GSE1: variants seen among roughly 807,000 people sequenced by gnomAD.
The protein encoded by GSE1 is genetic suppressor element 1.
GSE1 carries 32 observed loss-of-function variants against 112.6 expected under a neutral mutation model. The ratio of observed to expected loss-of-function variants is 0.28; its 90% CI spans 0.21 to 0.38. The LOEUF is 0.38. Among genes scored for constraint, GSE1 ranks in the 10% least tolerant of loss-of-function variants. The probability of loss-of-function intolerance (pLI) is 1.00; values close to 1 mark genes in which losing one functional copy is unlikely to be tolerated. For synonymous variants in GSE1, 1,115 were observed against 735.6 expected (o/e 1.52, Z -8.35); for missense variants, 2,348 against 1,699.2 (o/e 1.38, Z -6.71).
chr16:85,641,038 A>G (rs565721345), intron 2 of GSE1, among the ~76,000 whole-genome samples: 28 of 152,302 alleles, frequency 1.8e-4, no homozygotes, highest in African/African-American at 6.7e-4. Flanking sequence ...GGAGCCCAGT[A>G]CTTGGCGTGT....
upstream of GSE1, among the ~76,000 whole-genome samples, chr16:85,607,607 C>T (rs1382176420): frequency 1.3e-5 from 2 of 152,162 alleles, no homozygotes; most frequent in African/African-American, 4.8e-5. Context: ...TTTCCTGTTC[C>T]CCTAGAGGTG....
intron 1 of GSE1, among the ~76,000 whole-genome samples, chr16:85,260,828 G>A (rs755574937): frequency 6.6e-6 from 1 of 152,250 alleles, no homozygotes; most frequent in Non-Finnish European, 1.5e-5. Flanking sequence ...GACATCTGCA[G>A]TGATGAGCGC....
At chr16:85,608,877 A>G (rs1384159328), upstream of GSE1, among the ~76,000 whole-genome samples, 1 of 152,230 alleles carries the variant, frequency 6.6e-6, no homozygotes, top group Non-Finnish European at 1.5e-5. Context: ...CCCAGGCAAC[A>G]TAATGAAGGT....
chr16:85,220,630 C>T (rs2075374335), intron 1 of GSE1, among the ~76,000 whole-genome samples: 1 of 152,146 alleles, frequency 6.6e-6, no homozygotes. Context: ...CCCGCTGCTG[C>T]CCGCTGCTGC....
chr16:85,461,615 A>T (rs183150549), intron 2 of GSE1, among the ~76,000 whole-genome samples: 1 of 152,172 alleles, frequency 6.6e-6, no homozygotes, highest in Non-Finnish European at 1.5e-5. Flanking sequence ...TTGACTTGTC[A>T]TAAGAATCGC....
intron 1 of GSE1, among the ~76,000 whole-genome samples, chr16:85,259,066 G>A (rs1458368100): frequency 1.3e-5 from 2 of 152,166 alleles, no homozygotes; most frequent in Non-Finnish European, 2.9e-5. Context: ...GAGAGAGGAG[G>A]GGGCCTTGAC....
chr16:85,310,763 G>T (rs2045817450), intron 1 of GSE1, among the ~76,000 whole-genome samples: 1 of 151,546 alleles, frequency 6.6e-6, no homozygotes, highest in African/African-American at 2.4e-5. Flanking sequence ...GGTGCTCGGA[G>T]CAACCTCTGG....
intron 1 of GSE1, among the ~76,000 whole-genome samples, chr16:85,621,578 G>C (rs1434559725): frequency 3.3e-5 from 5 of 152,178 alleles, no homozygotes; most frequent in African/African-American, 1.2e-4. Flanking sequence ...CCTGTCACCT[G>C]GGCACAGGGA....
intron 2 of GSE1, among the ~76,000 whole-genome samples, chr16:85,383,038 ACAC>A (rs1462112327): frequency 6.6e-6 from 1 of 151,252 alleles, no homozygotes; most frequent in Non-Finnish European, 1.5e-5. Flanking sequence ...ATGCACACAC[ACAC>A]CGTGTACATG....
chr16:85,251,146 C>G (rs1906430745), intron 1 of GSE1, among the ~76,000 whole-genome samples: 1 of 152,216 alleles, frequency 6.6e-6, no homozygotes, highest in Non-Finnish European at 1.5e-5. Flanking sequence ...CGTCTCCATC[C>G]CCTCAGACAT....
chr16:85,481,503 C>G (rs2050680230), intron 2 of GSE1, among the ~76,000 whole-genome samples: 1 of 152,138 alleles, frequency 6.6e-6, no homozygotes, highest in Admixed American at 6.5e-5. Context: ...GAAGTTAGTT[C>G]TTTGTGGATG....
At chr16:85,452,886 CTGG>C (rs1360930422) in intron 2 of GSE1, among the ~76,000 whole-genome samples, 1 of 152,004 alleles carries the variant, frequency 6.6e-6, no homozygotes, top group Non-Finnish European at 1.5e-5. Flanking sequence ...TGCTGCAGTG[CTGG>C]GTGGGGGACT....
chr16:85,171,524 A>G (rs1292838335), exon 1 of GSE1: 1 of 985,400 alleles, frequency 1.0e-6, no homozygotes, highest in Admixed American at 6.1e-5. Context: ...CGCAGCTCCC[A>G]CCACGCTGTC....
At chr16:85,188,762 C>G (rs900947217) in intron 1 of GSE1, among the ~76,000 whole-genome samples, 2 of 151,606 alleles carry the variant, frequency 1.3e-5, no homozygotes, top group Non-Finnish European at 2.9e-5. Context: ...GATCACACCA[C>G]TGCACTCCAG....
rs1165474633 is a variant in GSE1, at chr16:85,291,693, C to G, written c.2284-65770C>G. On this transcript the variant is annotated intron_variant, in intron 1 of 2. Coordinates refer to the GSE1 transcript ENST00000637419. ...GGGCCCCTGACCCCGGGGAGACCCT[C>G]CCTACACTGCCCTCACCCTGTGGGG... Among the ~76,000 whole-genome samples the G allele has an allele frequency of 2.6e-5, 4 of 152,210 alleles. 1 individual carries two copies. Among genetic ancestry groups the G allele is most frequent in the Admixed American group, 2.0e-4 (3 of 15,288 alleles).
chr16:85,616,514 C>T (rs1024560190), intron 1 of GSE1, among the ~76,000 whole-genome samples: 3 of 152,236 alleles, frequency 2.0e-5, no homozygotes, highest in East Asian at 3.8e-4. Context: ...GGGACCCTCT[C>T]TGGGTAGCCT....
intron 2 of GSE1, among the ~76,000 whole-genome samples, chr16:85,422,377 G>T (rs1389828091): frequency 6.6e-6 from 1 of 152,158 alleles, no homozygotes; most frequent in African/African-American, 2.4e-5. Flanking sequence ...GGCGGGGGGG[G>T]GTGCCCCTGT....
intron 1 of GSE1, among the ~76,000 whole-genome samples, chr16:85,348,740 G>T (rs980888456): frequency 1.3e-5 from 2 of 152,120 alleles, no homozygotes; most frequent in Non-Finnish European, 2.9e-5. Context: ...CATGTGTTTC[G>T]TGGATTGTCC....
intron 1 of GSE1, among the ~76,000 whole-genome samples, chr16:85,619,364 G>A (rs763360921): frequency 9.2e-5 from 14 of 151,942 alleles, no homozygotes; most frequent in Non-Finnish European, 1.5e-4. Flanking sequence ...AGGTTAAGCC[G>A]TCCCGAAGGA....
Sources: allele counts gnomAD v4.1 joint callset (sites outside exome capture counted in the v4.1 genomes callset), GRCh38; gene constraint gnomAD v4.1.1; transcripts MANE v1.5; gene names NCBI Gene and HGNC (gene_info 2026-07-23, HGNC 2026-07-21).